Variants in CDH13 observed in about 807,000 individuals in gnomAD.
CDH13 encodes cadherin 13.
CDH13 carries 24 observed loss-of-function variants against 63.8 expected under a neutral mutation model. The ratio of observed to expected loss-of-function variants is 0.38; its 90% CI spans 0.27 to 0.53. The LOEUF (loss-of-function observed/expected upper bound fraction) is 0.53, where lower values mean the gene tolerates loss of function less well. CDH13 is among the 20% of genes least tolerant of loss of function. CDH13 has a pLI of 0.85. For missense variants in CDH13, 1,049 were observed against 903.1 expected, an observed-to-expected ratio of 1.16 and a Z score of -2.07; for synonymous variants, 503 against 355.3, an observed-to-expected ratio of 1.42 and a Z score of -4.67.
intron 2 of CDH13, among the ~76,000 whole-genome samples, chr16:82,890,931 C>G (rs186765487): frequency 2.0e-4 from 30 of 152,056 alleles, no homozygotes; most frequent in African/African-American, 7.0e-4. Flanking sequence ...GGATTACAGG[C>G]GTGAGCCACT....
chr16:83,149,575 T>C (rs983038108), intron 4 of CDH13, among the ~76,000 whole-genome samples: 4 of 152,186 alleles, frequency 2.6e-5, no homozygotes, highest in Non-Finnish European at 4.4e-5. Flanking sequence ...CCCTATTCTT[T>C]GTCTACTGAA....
chr16:83,562,674 G>A (rs940251252), intron 7 of CDH13, among the ~76,000 whole-genome samples: 1 of 152,172 alleles, frequency 6.6e-6, no homozygotes, highest in Non-Finnish European at 1.5e-5. Context: ...GGTGAAGAAC[G>A]TTTTTGATGT....
chr16:82,818,412 C>T (rs187666172), intron 1 of CDH13, among the ~76,000 whole-genome samples: 2 of 152,088 alleles, frequency 1.3e-5, no homozygotes, highest in East Asian at 1.9e-4. Context: ...AAAGAAGGAA[C>T]CCTAAGTATG....
chr16:83,102,930 C>CTTTTTTTTTTTTTTTTTTT (rs71148812), intron 3 of CDH13, among the ~76,000 whole-genome samples: 8 of 96,926 alleles, frequency 8.3e-5, no homozygotes, highest in Admixed American at 2.3e-4. Context: ...TTTTCTTTTT[C>CTTTTTTTTTTTTTTTTTTT]TTTTTTTTTT....
At chr16:83,243,629 T>A (rs1904696492) in intron 5 of CDH13, among the ~76,000 whole-genome samples, 1 of 152,170 alleles carries the variant, frequency 6.6e-6, no homozygotes, top group Admixed American at 6.5e-5. Flanking sequence ...CCTCTTGGCT[T>A]CAAAGGACTC....
chr16:83,691,799 A>G (rs898932484), intron 10 of CDH13, among the ~76,000 whole-genome samples: 3 of 152,076 alleles, frequency 2.0e-5, no homozygotes, highest in African/African-American at 7.2e-5. Flanking sequence ...CCACTTCCCT[A>G]ACACAGCCAG....
intron 4 of CDH13, among the ~76,000 whole-genome samples, chr16:83,143,432 TGAG>T (rs1253999021): frequency 3.3e-5 from 5 of 152,332 alleles, no homozygotes; most frequent in South Asian, 2.1e-4. Context: ...CATTTTGTGT[TGAG>T]GAGTGAGTTC....
At chr16:82,633,169 CTACG>C (rs1908228120) in intron 1 of CDH13, among the ~76,000 whole-genome samples, 1 of 152,202 alleles carries the variant, frequency 6.6e-6, no homozygotes. Flanking sequence ...AACCCCTGCT[CTACG>C]TAGTGTTCTA....
chr16:83,408,799 T>C (rs1359925583), intron 6 of CDH13, among the ~76,000 whole-genome samples: 2 of 152,200 alleles, frequency 1.3e-5, no homozygotes, highest in Non-Finnish European at 2.9e-5. Flanking sequence ...TGTTGTCTTA[T>C]GTGGATATAA....
At chr16:83,103,348 C>G (rs1028910538) in intron 3 of CDH13, among the ~76,000 whole-genome samples, 4 of 144,158 alleles carry the variant, frequency 2.8e-5, no homozygotes, top group Admixed American at 7.4e-5. Context: ...CAGGTTCAAG[C>G]AATTCTCCTG....
intron 3 of CDH13, among the ~76,000 whole-genome samples, chr16:83,036,455 C>G (rs997572418): frequency 1.3e-5 from 2 of 152,024 alleles, no homozygotes; most frequent in African/African-American, 4.8e-5. Flanking sequence ...CAACCTGGAG[C>G]TCTCTGCTTT....
chr16:83,519,214 G>T (rs1210630456), intron 7 of CDH13, among the ~76,000 whole-genome samples: 1 of 152,180 alleles, frequency 6.6e-6, no homozygotes, highest in Non-Finnish European at 1.5e-5. Context: ...AATACCAGGA[G>T]TCTTGTCTTG....
At chr16:83,526,626 G>A (rs922784664) in intron 7 of CDH13, among the ~76,000 whole-genome samples, 1 of 152,182 alleles carries the variant, frequency 6.6e-6, no homozygotes, top group South Asian at 2.1e-4. Flanking sequence ...ACAGCGTACA[G>A]ACTAGTTCTG....
chr16:83,294,614 G>A (rs551429611), intron 5 of CDH13, among the ~76,000 whole-genome samples: 2 of 119,574 alleles, frequency 1.7e-5, no homozygotes, highest in African/African-American at 5.4e-5. Context: ...GTGTGTGTGT[G>A]TGTGTATATA....
chr16:83,664,670 G>C (rs1299820785), intron 8 of CDH13, among the ~76,000 whole-genome samples: 1 of 152,070 alleles, frequency 6.6e-6, no homozygotes, highest in Non-Finnish European at 1.5e-5. Context: ...TATGGTGTGA[G>C]GTAGGGGTCA....
rs1914731210 is a variant in CDH13 at position 83,015,761 on chromosome 16, A to T, written c.158-16249A>T. On this transcript the variant is annotated intron_variant, in intron 2 of 13. Coordinates refer to ENST00000567109, the MANE Select transcript of CDH13 (RefSeq NM_001257.5). ...GAGCAATAAATCTCAGGAACCTTAG[A>T]CTTGCCGTGGGTATGTGCAAAAAGA... Among the ~76,000 whole-genome samples, 3 of 138,838 alleles carry T rather than the reference A, an allele frequency of 2.2e-5. 1 individual carries two copies. The South Asian group carries it at 7.0e-4, about 33-fold the overall frequency. The allele number at this position is 138,838 out of a possible 152,430, so 91.1% of individuals were successfully genotyped here. A position where few individuals can be genotyped will look rare whatever the true frequency, so the allele number is the denominator to read the frequency against.
chr16:83,057,589 T>TAA (rs11354363), intron 3 of CDH13, among the ~76,000 whole-genome samples: 13 of 147,720 alleles, frequency 8.8e-5, no homozygotes, highest in African/African-American at 2.0e-4. Context: ...TTTCTATTGT[T>TAA]AAAAAAAAAA....
intron 2 of CDH13, among the ~76,000 whole-genome samples, chr16:82,935,283 T>C (rs1392975633): frequency 3.9e-5 from 6 of 152,176 alleles, no homozygotes; most frequent in Non-Finnish European, 8.8e-5. Context: ...TCACTCACTA[T>C]CATGAGAACA....
At chr16:83,030,754 C>T (rs550251270) in intron 2 of CDH13, among the ~76,000 whole-genome samples, 26 of 151,632 alleles carry the variant, frequency 1.7e-4, no homozygotes, top group African/African-American at 5.6e-4. Flanking sequence ...ACTCTCTCCA[C>T]ACAACAAATC....
Sources: gnomAD v4.1 joint callset for allele counts (sites outside exome capture counted in the v4.1 genomes callset) on GRCh38, gnomAD v4.1.1 for gene constraint, MANE v1.5 for transcripts, NCBI Gene and HGNC (gene_info 2026-07-23, HGNC 2026-07-21) for gene names.